UNC93A: variants seen among roughly 807,000 people sequenced by gnomAD.
The protein encoded by UNC93A is N-acetylglucosamine transporter UNC93A.
In UNC93A, 43 loss-of-function variants were observed where a neutral mutation model predicts 47.5. That is an observed-to-expected ratio of 0.91 (90% CI 0.71 to 1.17). The LOEUF (loss-of-function observed/expected upper bound fraction) is 1.17, where lower values mean the gene tolerates loss of function less well. Among genes scored for constraint, UNC93A ranks in the 50% most tolerant of loss-of-function variants. The pLI, the probability that UNC93A is intolerant of heterozygous loss-of-function variation, is 0.00. For missense variants in UNC93A, 605 were observed against 577.6 expected (o/e 1.05, Z -0.49); for synonymous variants, 280 against 258.0 (o/e 1.09, Z -0.82).
intron 1 of UNC93A, among the ~76,000 whole-genome samples, chr6:167,281,574 T>C (rs953883640): frequency 2.6e-5 from 4 of 152,118 alleles, no homozygotes; most frequent in Non-Finnish European, 5.9e-5. Flanking sequence ...AGCCAGCAAC[T>C]CCACAAAACG....
chr6:167,306,269 C>T (rs1034726701), intron 6 of UNC93A, among the ~76,000 whole-genome samples: 10 of 152,214 alleles, frequency 6.6e-5, no homozygotes, highest in South Asian at 2.1e-4. Flanking sequence ...GCACTGTGCT[C>T]GGCATGAGGC....
At chr6:167,279,832 A>G (rs904139155) in intron 1 of UNC93A, among the ~76,000 whole-genome samples, 2 of 152,242 alleles carry the variant, frequency 1.3e-5, no homozygotes, top group African/African-American at 4.8e-5. Flanking sequence ...TTGGAGAATA[A>G]AAGAAGTTGG....
At chr6:167,282,796 A>G (rs1287762293) in intron 1 of UNC93A, among the ~76,000 whole-genome samples, 1 of 152,206 alleles carries the variant, frequency 6.6e-6, no homozygotes, top group Non-Finnish European at 1.5e-5. Context: ...AGGGAGACAG[A>G]AGACATCAGT....
intron 3 of UNC93A, among the ~76,000 whole-genome samples, chr6:167,297,033 G>A (rs2115133219): frequency 6.6e-6 from 1 of 152,284 alleles, no homozygotes; most frequent in East Asian, 1.9e-4. Context: ...CCTGCTAAGT[G>A]CATTTGAAGA....
chr6:167,300,553 G>A (rs1399688161), intron 4 of UNC93A, among the ~76,000 whole-genome samples: 3 of 152,170 alleles, frequency 2.0e-5, no homozygotes, highest in Non-Finnish European at 2.9e-5. Context: ...TCGTGTGCAA[G>A]GCCCAGACTG....
At chr6:167,303,092 C>T (rs1432883890) in intron 4 of UNC93A, among the ~76,000 whole-genome samples, 1 of 152,118 alleles carries the variant, frequency 6.6e-6, no homozygotes, top group Non-Finnish European at 1.5e-5. Context: ...TCCGCTGGGG[C>T]CTTGGAATGA....
In UNC93A at chr6:167,304,631, C is replaced by T. The variant is rs180925174; in HGVS notation, c.840+498C>T. 2.9e-3 allele frequency among the ~76,000 whole-genome samples: 444 copies of T among 151,948 alleles called. 2 individuals are homozygous for T. Among genetic ancestry groups the T allele is most frequent in the Middle Eastern group, 0.01 (3 of 294 alleles). On this transcript the variant is annotated intron_variant, in intron 5 of 7. Transcript: ENST00000230256. Reference sequence around the variant, plus strand: ...TGTTGCCCAGGCTGGAGTGCAATGGCGCCATCTCAGCTCACCGCAACCTCT... The same window carrying T: ...TGTTGCCCAGGCTGGAGTGCAATGGTGCCATCTCAGCTCACCGCAACCTCT...
At chr6:167,309,576 C>T (rs1007893966) in intron 7 of UNC93A, among the ~76,000 whole-genome samples, 2 of 152,122 alleles carry the variant, frequency 1.3e-5, no homozygotes, top group Non-Finnish European at 2.9e-5. Flanking sequence ...CTGGGAAACA[C>T]TCGGGGCTTA....
At chr6:167,271,185 A>G (rs574956387) in exon 1 of UNC93A, 49 of 151,414 alleles carry the variant, frequency 3.2e-4, no homozygotes, top group African/African-American at 1.1e-3. Flanking sequence ...CAGAGTTAAG[A>G]CAGAGCTTAA....
chr6:167,277,070 G>A (rs905752492), intron 1 of UNC93A, among the ~76,000 whole-genome samples: 2 of 152,168 alleles, frequency 1.3e-5, no homozygotes, highest in African/African-American at 4.8e-5. Flanking sequence ...GGGCTCATCA[G>A]GGGAGCCAGT....
chr6:167,297,253 G>T (rs921031820), intron 3 of UNC93A, among the ~76,000 whole-genome samples: 2 of 152,188 alleles, frequency 1.3e-5, no homozygotes, highest in Admixed American at 6.5e-5. Flanking sequence ...GAGGGATTTG[G>T]AGGGCGTCGT....
At chr6:167,311,741 C>T (rs1778559242) in intron 7 of UNC93A, among the ~76,000 whole-genome samples, 1 of 152,292 alleles carries the variant, frequency 6.6e-6, no homozygotes, top group Admixed American at 6.5e-5. Flanking sequence ...TTTCTAAATA[C>T]AGCTTTTATT....
intron 1 of UNC93A, among the ~76,000 whole-genome samples, chr6:167,285,940 C>A (rs1216132601): frequency 6.7e-5 from 8 of 119,724 alleles, no homozygotes; most frequent in Admixed American, 6.6e-4. Context: ...AGTTTTCTTT[C>A]TCTCTCTCTC....
chr6:167,289,414 C>T (rs920553275), upstream of UNC93A, among the ~76,000 whole-genome samples: 2 of 152,120 alleles, frequency 1.3e-5, no homozygotes, highest in Non-Finnish European at 2.9e-5. Context: ...AAAAAAATCC[C>T]TTTTAACATA....
rs1329249848 is a variant in UNC93A, at chr6:167,291,512, T to C, written c.23T>C (p.Val8Ala). The C allele has an allele frequency of 6.2e-7, 1 of 1,614,040 alleles. No individual in the cohort carries two copies. Among genetic ancestry groups the C allele is most frequent in the East Asian group, 2.2e-5 (1 of 44,886 alleles). The change falls in exon 1 of 8, where the codon GTC becomes GCC. Residue 8 changes from valine (V) to alanine (A), a missense_variant. Physicochemically the swap from Val to Ala is moderately conservative, Grantham distance 64 (BLOSUM62 0). Coordinates refer to ENST00000230256, the MANE Select transcript of UNC93A (RefSeq NM_018974.4). ...ACAATGGACAGAAGTCTAAGGAACG[T>C]CCTTGTGGTTTCCTTTGGGTTCCTG... MDRSLRN[V>A]LVVSFGFLLL... is the part of the protein sequence containing the mutation.
intron 5 of UNC93A, among the ~76,000 whole-genome samples, 185 bp from the exon 6 acceptor site, chr6:167,305,730 C>T (rs1778367038): frequency 6.6e-6 from 1 of 152,186 alleles, no homozygotes; most frequent in African/African-American, 2.4e-5. Context: ...TCTCCCCAAA[C>T]AGGATTTTCT....
rs201748637 is a variant in UNC93A, at chr6:167,296,206, C to T, written c.444C>T (p.Ser148=). 6.1e-5 allele frequency: 99 copies of T among 1,614,056 alleles called. No homozygotes were observed. The highest frequency in any genetic ancestry group is 4.1e-4 in the South Asian group (37 of 91,082). The change falls in exon 3 of 8, where the codon TCC becomes TCT. Residue 148 remains serine, a synonymous_variant. Transcript: ENST00000230256. ...FGIFFLIFQS[S]GVWGNLISSL... ...TCTTCTTCCTCATATTCCAGTCATCCGGTGTGTGGGGCAACTTGATCTCAT... is the reference window on the plus strand; with the variant it reads ...TCTTCTTCCTCATATTCCAGTCATCTGGTGTGTGGGGCAACTTGATCTCAT...
upstream of UNC93A, chr6:167,271,047 T>G (rs1441643568): frequency 5.3e-5 from 8 of 152,312 alleles, no homozygotes; most frequent in African/African-American, 1.9e-4. Flanking sequence ...GTTCCCGCAG[T>G]GTGTTCCCCT....
At chr6:167,286,753 G>A (rs1466801181), upstream of UNC93A, among the ~76,000 whole-genome samples, 1 of 152,008 alleles carries the variant, frequency 6.6e-6, no homozygotes, top group East Asian at 1.9e-4. Flanking sequence ...CGAGGCGGGC[G>A]GATTGCCTGA....
Sources: allele counts gnomAD v4.1 joint callset (sites outside exome capture counted in the v4.1 genomes callset), GRCh38; gene constraint gnomAD v4.1.1; transcripts MANE v1.5; gene names NCBI Gene and HGNC (gene_info 2026-07-23, HGNC 2026-07-21).